ZSCAN9: variants seen among roughly 807,000 people sequenced by gnomAD.
ZSCAN9 encodes the protein zinc finger and SCAN domain containing 9, also known as zinc finger and SCAN domain-containing protein 9.
A neutral mutation model predicts 23.0 loss-of-function variants in ZSCAN9; 19 were observed. The observed-to-expected ratio is 0.83, with a 90% confidence interval of 0.58 to 1.21. ZSCAN9 has a LOEUF of 1.21. Among genes scored for constraint, ZSCAN9 ranks in the 50% most tolerant of loss-of-function variants. The pLI is 0.00. For missense variants in ZSCAN9, 467 were observed against 471.5 expected (o/e 0.99, Z 0.09); for synonymous variants, 155 against 164.8 (o/e 0.94, Z 0.46).
At position 28,232,938 on chromosome 6, in the gene ZSCAN9, T is replaced by TGG. The variant is rs1409825545; in HGVS notation, c.947_948dup (p.Lys317GlyfsTer84). On this transcript the variant is annotated frameshift_variant, in exon 4 of 4. Coordinates refer to ENST00000252207, the MANE Select transcript of ZSCAN9 (RefSeq NM_006299.5). LOFTEE classifies it low-confidence loss of function (END_TRUNC). The stretch of plus-strand genomic sequence containing the variant: ...AGAAACGGTACCACTGCAAGGAGTG[T>TGG]GGGAAGGTCTTCAGTCAGAGTGCGG... 1 of 1,614,024 alleles carries TGG rather than the reference T, an allele frequency of 6.2e-7. No homozygotes were observed. Among genetic ancestry groups the TGG allele is most frequent in the African/African-American group, 1.3e-5 (1 of 74,988 alleles).
Position 28,232,579 on chromosome 6 carries a change from G to A in ZSCAN9, c.586G>A (p.Glu196Lys), listed in dbSNP as rs148418517. Residue 196 changes from glutamate to lysine, a missense_variant, in exon 4 of 4, where the codon GAG (glutamate) becomes AAG (lysine). Coordinates refer to ENST00000252207, the MANE Select transcript of ZSCAN9 (RefSeq NM_006299.5). The part of the protein sequence containing the change: ...IGETDEVTKT[E>K]DRELVLRKDC... ...TGTTTCAGATGAAGTAACCAAGACT[G>A]AGGACAGAGAGTTGGTGCTAAGGAA... 1.5e-5 allele frequency: 25 copies of A among 1,613,248 alleles called. No homozygotes were observed. In the Admixed American group the frequency reaches 1.7e-4, roughly 11 times the overall value.
At position 28,232,796 on chromosome 6, in the gene ZSCAN9, G is replaced by A; in HGVS notation, c.803G>A (p.Gly268Asp). The A allele has an allele frequency of 6.2e-7, 1 of 1,614,186 alleles. No homozygotes were observed. The highest frequency in any genetic ancestry group is 1.3e-5 in the African/African-American group (1 of 75,040). Residue 268 changes from glycine (G) to aspartate (D), a missense_variant, in exon 4 of 4, where the codon GGT (glycine) becomes GAT (aspartate). Transcript: ENST00000252207. Reference protein sequence around the residue: ...ECGKSFTQSSGLIRHQRIHTG... With the variant: ...ECGKSFTQSSDLIRHQRIHTG... ...GGGAAGAGCTTTACTCAGAGCTCAG[G>A]TCTCATTCGACATCAAAGAATTCAT...
Position 28,233,047 on chromosome 6 carries a change from T to TTTCTC in ZSCAN9, c.1055_1059dup (p.Ile354PhefsTer48). ...CAGTAAGAGCTACAGTCGGCGTTCA[T>TTTCTC]TTCTCATTGAACATCAGAGAAGCCA... On this transcript the variant is annotated frameshift_variant, in exon 4 of 4. Transcript: ENST00000252207. LOFTEE classifies it low-confidence loss of function (END_TRUNC). 6.2e-7 allele frequency: 1 copy of TTTCTC among 1,614,124 alleles called. No individual in the cohort carries two copies. The highest frequency in any genetic ancestry group is 8.5e-7 in the Non-Finnish European group (1 of 1,179,982).
Position 28,227,101 on chromosome 6 carries a change from A to G in ZSCAN9, c.17A>G (p.Lys6Arg). 2 of 1,613,862 alleles carry G rather than the reference A, an allele frequency of 1.2e-6. No homozygotes were observed. The highest frequency in any genetic ancestry group is 1.7e-6 in the Non-Finnish European group (2 of 1,179,838). Residue 6 changes from lysine to arginine, a missense_variant, in exon 2 of 4, where the codon AAG becomes AGG. Lys to Arg is a conservative substitution (Grantham distance 26, BLOSUM62 2). Coordinates refer to ENST00000252207, the MANE Select transcript of ZSCAN9 (RefSeq NM_006299.5). Reference protein sequence around the residue: MNTNSKEVLSLGVQVP... With the variant: MNTNSREVLSLGVQVP... Reference sequence around the variant, plus strand: ...AAGGTCAAGATGAATACAAACTCAAAGGAGGTTTTATCCCTGGGTGTTCAA... The same window carrying G: ...AAGGTCAAGATGAATACAAACTCAAGGGAGGTTTTATCCCTGGGTGTTCAA...
chr6:28,229,380 C>T lies in ZSCAN9; in HGVS notation c.568+1543C>T, dbSNP rs543229934. On this transcript the variant is annotated intron_variant, in intron 3 of 3. Coordinates refer to ENST00000252207, the MANE Select transcript of ZSCAN9 (RefSeq NM_006299.5). ...CTACCTTCCAAACTGCATCTAGAAC[C>T]CTGCTGAGTATCCCCTTTTCCAAGA... 301 of 153,676 alleles carry T rather than the reference C, an allele frequency of 2.0e-3. 1 individual carries two copies. The South Asian group carries it at 0.022, about 11-fold the overall frequency. The allele number at this position is 153,676 out of a possible 1,614,324, so 9.5% of individuals were successfully genotyped here. A position where few individuals can be genotyped will look rare whatever the true frequency, so the allele number is the denominator to read the frequency against.
At chr6:28,229,088 C>A (rs1333391476) in intron 3 of ZSCAN9, 1 of 152,172 alleles carries the variant, frequency 6.6e-6, no homozygotes, top group Non-Finnish European at 1.5e-5. Context: ...ACTTCCCTTG[C>A]CTCTTTGTCC....
chr6:28,226,166 A>C (rs530260853), intron 1 of ZSCAN9, among the ~76,000 whole-genome samples: 1 of 152,216 alleles, frequency 6.6e-6, no homozygotes, highest in Non-Finnish European at 1.5e-5. Context: ...TCAGTGGGTA[A>C]TTGTGAGGAT....
Position 28,233,019 on chromosome 6 carries a change from G to C in ZSCAN9, c.1026G>C (p.Gln342His), listed in dbSNP as rs777700236. Residue 342 changes from glutamine (Q) to histidine (H), a missense_variant, in exon 4 of 4, where the codon CAG (glutamine) becomes CAC (histidine). Coordinates refer to ENST00000252207, the MANE Select transcript of ZSCAN9 (RefSeq NM_006299.5). ...HKGEKPYQCS[Q>H]CSKSYSRRSF... is the part of the protein sequence containing the mutation. ...GAGAAAAGCCGTATCAGTGCAGCCAGTGCAGTAAGAGCTACAGTCGGCGTT... is the reference window on the plus strand; with the variant it reads ...GAGAAAAGCCGTATCAGTGCAGCCACTGCAGTAAGAGCTACAGTCGGCGTT... 2 of 1,614,172 alleles carry C rather than the reference G, an allele frequency of 1.2e-6. No homozygotes were observed. The highest frequency in any genetic ancestry group is 2.2e-5 in the South Asian group (2 of 91,076).
At position 28,227,465 on chromosome 6, in the gene ZSCAN9, G is replaced by A. The variant is rs763725391; in HGVS notation, c.381G>A (p.Leu127=). ...PESGEEAVIL[L]EDLERELDEP... Reference sequence around the variant, plus strand: ...GTGGAGAAGAGGCTGTGATTTTGCTGGAGGATCTGGAGAGAGAGCTCGATG... The same window carrying A: ...GTGGAGAAGAGGCTGTGATTTTGCTAGAGGATCTGGAGAGAGAGCTCGATG... The change falls in exon 2 of 4, where the codon CTG becomes CTA. Residue 127 remains leucine (L), a synonymous_variant. Transcript: ENST00000252207. The A allele has an allele frequency of 2.4e-5, 39 of 1,609,658 alleles. No individual in the cohort carries two copies. The highest frequency in any genetic ancestry group is 2.8e-5 in the Non-Finnish European group (33 of 1,177,942).
At chr6:28,226,867 A>G (rs868064507) in intron 1 of ZSCAN9, 145 bp from the exon 2 acceptor site, 14 of 459,506 alleles carry the variant, frequency 3.0e-5, no homozygotes, top group African/African-American at 1.6e-4. Context: ...TTATGAATAT[A>G]TATATTTCCA....
chr6:28,229,034 A>C (rs1295715936), intron 3 of ZSCAN9: 1 of 152,180 alleles, frequency 6.6e-6, no homozygotes, highest in East Asian at 1.9e-4. Context: ...GCAAGGTTCT[A>C]CTGTTTTCAG....
chr6:28,227,979 T>G, intron 3 of ZSCAN9, 142 bp downstream of exon 3: 1 of 1,011,900 alleles, frequency 9.9e-7, no homozygotes, highest in Non-Finnish European at 1.5e-6. Context: ...GAGAGCCTAG[T>G]GTGCTCATCT....
chr6:28,227,868 G>A (rs765793852), intron 3 of ZSCAN9, 31 bp downstream of exon 3: 24 of 1,612,186 alleles, frequency 1.5e-5, no homozygotes, highest in Non-Finnish European at 1.9e-5. Flanking sequence ...GATGTTGAAC[G>A]AATCCCACCT....
chr6:28,226,152 A>G (rs1190592328), intron 1 of ZSCAN9, among the ~76,000 whole-genome samples: 1 of 152,244 alleles, frequency 6.6e-6, no homozygotes, highest in African/African-American at 2.4e-5. Flanking sequence ...ATTATAATAA[A>G]ACCTCAGTGG....
Position 28,227,845 on chromosome 6 carries a change from A to G in ZSCAN9, c.568+8A>G, listed in dbSNP as rs374796359. ...ATTCTATTGGAGAGACAGGTGAGGG[A>G]CAGCATTTATTTGATGTTGAACGAA... On this transcript the variant is annotated splice_region_variant and intron_variant, in intron 3 of 3. Transcript: ENST00000252207. 3 of 1,613,218 alleles carry G rather than the reference A, an allele frequency of 1.9e-6. No individual in the cohort carries two copies. Among genetic ancestry groups the G allele is most frequent in the Non-Finnish European group, 2.5e-6 (3 of 1,179,828 alleles).
chr6:28,230,367 A>G, intron 3 of ZSCAN9: 2 of 1,536,102 alleles, frequency 1.3e-6, no homozygotes, highest in Non-Finnish European at 1.7e-6. Flanking sequence ...GAAGGGCAGT[A>G]CTGATCCCAC....
chr6:28,226,998 T>G lies in ZSCAN9; in HGVS notation c.-73-14T>G. ...ATCATTTTTCTATATAAATAATTTA[T>G]TTTTACTGCTTAGGCAAGCGCCTCC... On this transcript the variant is annotated splice_polypyrimidine_tract_variant and intron_variant, in intron 1 of 3. Coordinates refer to ENST00000252207, the MANE Select transcript of ZSCAN9 (RefSeq NM_006299.5). 1 of 1,189,576 alleles carries G rather than the reference T, an allele frequency of 8.4e-7. No individual in the cohort carries two copies. The allele number at this position is 1,189,576 out of a possible 1,614,324, so 73.7% of individuals were successfully genotyped here. A position where few individuals can be genotyped will look rare whatever the true frequency, so the allele number is the denominator to read the frequency against.
chr6:28,228,087 C>G (rs1404326046), intron 3 of ZSCAN9: 6 of 687,374 alleles, frequency 8.7e-6, no homozygotes, highest in Non-Finnish European at 1.6e-5. Context: ...TTTCAGGGAT[C>G]GCTGTGGAGC....
chr6:28,230,216 C>G, intron 3 of ZSCAN9: 1 of 869,602 alleles, frequency 1.1e-6, no homozygotes, highest in South Asian at 2.2e-5. Flanking sequence ...TGTGGTGAGT[C>G]AGTTTGATAA....
Sources: allele counts gnomAD v4.1 joint callset (sites outside exome capture counted in the v4.1 genomes callset), GRCh38; gene constraint gnomAD v4.1.1; transcripts MANE v1.5; gene names NCBI Gene and HGNC (gene_info 2026-07-23, HGNC 2026-07-21).